The following SND1 variants were observed in gnomAD, a reference collection of about 807,000 sequenced individuals.
The protein encoded by SND1 is staphylococcal nuclease and tudor domain containing 1, also known as staphylococcal nuclease domain-containing protein 1.
SND1 carries 38 observed loss-of-function variants against 121.7 expected under a neutral mutation model. The observed-to-expected ratio is 0.31, with a 90% CI of 0.24 to 0.41. SND1 has a LOEUF of 0.41. Among genes scored for constraint, SND1 ranks in the 10% least tolerant of loss-of-function variants. The pLI, the probability that SND1 is intolerant of heterozygous loss-of-function variation, is 1.00. For missense variants in SND1, 868 were observed against 1,184.6 expected (o/e 0.73, Z 3.92); for synonymous variants, 401 against 447.4 (o/e 0.90, Z 1.31).
At chr7:127,786,744 C>T (rs1174056865) in intron 10 of SND1, among the ~76,000 whole-genome samples, 4 of 152,056 alleles carry the variant, frequency 2.6e-5, no homozygotes, top group South Asian at 2.1e-4. Flanking sequence ...CCCGGGTTCA[C>T]GCCATTCTCC....
intron 1 of SND1, among the ~76,000 whole-genome samples, chr7:127,665,714 G>C (rs904391982): frequency 1.4e-4 from 22 of 152,114 alleles, no homozygotes; most frequent in African/African-American, 5.1e-4. Context: ...TCCAGTCTCT[G>C]AAATAACTAA....
At position 127,723,730 on chromosome 7, in the gene SND1, C is replaced by T. The variant is rs757802330; in HGVS notation, c.1152+2330C>T. ...CAGGAGGAATGGCTCTCTAGGCCAG[C>T]GCTGTCCAACAGATATATAAATATG... On this transcript the variant is annotated intron_variant, in intron 10 of 23. Coordinates refer to ENST00000354725, the MANE Select transcript of SND1 (RefSeq NM_014390.4). 8.5e-5 allele frequency among the ~76,000 whole-genome samples: 13 copies of T among 152,206 alleles called. No homozygotes were observed. In the East Asian group the frequency reaches 9.6e-4, roughly 11 times the overall value.
intron 10 of SND1, among the ~76,000 whole-genome samples, chr7:127,762,484 A>AAG (rs1434759726): frequency 6.6e-6 from 1 of 152,158 alleles, no homozygotes; most frequent in Non-Finnish European, 1.5e-5. Context: ...GACCCACTGT[A>AAG]ATGGCCTCAT....
intron 10 of SND1, among the ~76,000 whole-genome samples, chr7:127,764,865 A>G (rs1016885185): frequency 2.6e-5 from 4 of 152,312 alleles, no homozygotes; most frequent in African/African-American, 9.6e-5. Flanking sequence ...CGATCGAGGT[A>G]AATTGCTCCC....
chr7:127,819,746 C>T lies in SND1; in HGVS notation c.1242+12173C>T, dbSNP rs150246584. Among the ~76,000 whole-genome samples the T allele has an allele frequency of 1.1e-3, 172 of 152,246 alleles. 2 individuals are homozygous for T. The East Asian group carries it at 0.019, about 17-fold the overall frequency. On this transcript the variant is annotated intron_variant, in intron 11 of 23. Coordinates refer to ENST00000354725, the MANE Select transcript of SND1 (RefSeq NM_014390.4). ...TAAACCCGTTTGAAGATTTGTTGCC[C>T]GGTTTTGCATTGATTGGACTACTTT... is the stretch of plus-strand genomic sequence containing the variant.
intron 1 of SND1, among the ~76,000 whole-genome samples, chr7:127,663,971 A>G (rs930845910): frequency 6.6e-6 from 1 of 152,086 alleles, no homozygotes; most frequent in African/African-American, 2.4e-5. Context: ...ATTGTGATGT[A>G]AAAAGAAATA....
intron 17 of SND1, among the ~76,000 whole-genome samples, chr7:128,079,417 C>T (rs1793560432): frequency 6.6e-6 from 1 of 152,266 alleles, no homozygotes; most frequent in Admixed American, 6.5e-5. Flanking sequence ...GGACTAGAAG[C>T]AGCAGTGTGT....
intron 1 of SND1, among the ~76,000 whole-genome samples, chr7:127,653,059 TAAG>T (rs1361249147): frequency 6.6e-6 from 1 of 152,158 alleles, no homozygotes; most frequent in East Asian, 1.9e-4. Flanking sequence ...CCCTTAAAGA[TAAG>T]GAGATAGGCT....
At chr7:127,936,147 A>G (rs1300006408) in intron 15 of SND1, among the ~76,000 whole-genome samples, 1 of 152,138 alleles carries the variant, frequency 6.6e-6, no homozygotes, top group East Asian at 1.9e-4. Context: ...TAGTCCTTTA[A>G]GCACCTGCCT....
At chr7:127,983,248 A>G (rs371424382) in intron 15 of SND1, among the ~76,000 whole-genome samples, 2 of 152,282 alleles carry the variant, frequency 1.3e-5, no homozygotes, top group East Asian at 3.9e-4. Context: ...GAGCCTGTGG[A>G]TTATAAATCG....
Position 127,665,768 on chromosome 7 carries a change from G to C in SND1, c.78+13317G>C, listed in dbSNP as rs182127900. On this transcript the variant is annotated intron_variant, in intron 1 of 23. Coordinates refer to ENST00000354725, the MANE Select transcript of SND1 (RefSeq NM_014390.4). Reference sequence around the variant, plus strand: ...CTTAGGAATTCTGTTCCAGGAGAGCGGGAATTACTGTTTTATAGCCTTTAA... The same window carrying C: ...CTTAGGAATTCTGTTCCAGGAGAGCCGGAATTACTGTTTTATAGCCTTTAA... Among the ~76,000 whole-genome samples, 17 of 152,132 alleles carry C rather than the reference G, an allele frequency of 1.1e-4. No homozygotes were observed. The East Asian group carries it at 3.3e-3, about 29-fold the overall frequency.
At chr7:128,066,226 C>G (rs1186896468) in intron 16 of SND1, among the ~76,000 whole-genome samples, 1 of 152,180 alleles carries the variant, frequency 6.6e-6, no homozygotes, top group African/African-American at 2.4e-5. Context: ...AAAGGCATTC[C>G]AGGCGGGAGA....
At chr7:127,678,462 A>G (rs542699540) in intron 1 of SND1, among the ~76,000 whole-genome samples, 68 of 152,298 alleles carry the variant, frequency 4.5e-4, no homozygotes, top group South Asian at 1.0e-3. Context: ...ATCCAGAGCC[A>G]GTGAGTCAGC....
At chr7:128,031,916 G>A (rs1353247310) in intron 16 of SND1, 1 of 150,956 alleles carries the variant, frequency 6.6e-6, no homozygotes, top group East Asian at 2.0e-4. Context: ...TGAGCAGCGG[G>A]GGTCGCGGCT....
At chr7:127,917,359 C>T (rs558785347) in intron 14 of SND1, among the ~76,000 whole-genome samples, 29 of 152,290 alleles carry the variant, frequency 1.9e-4, no homozygotes, top group African/African-American at 7.0e-4. Flanking sequence ...CTTGTTTTCA[C>T]GTATTTGTAT....
At chr7:127,996,932 G>C (rs1303793764) in intron 16 of SND1, among the ~76,000 whole-genome samples, 1 of 152,154 alleles carries the variant, frequency 6.6e-6, no homozygotes, top group African/African-American at 2.4e-5. Context: ...ATTTCAAGCA[G>C]TTTATTCTTA....
At chr7:127,737,166 G>A (rs1466799628) in intron 10 of SND1, among the ~76,000 whole-genome samples, 2 of 152,256 alleles carry the variant, frequency 1.3e-5, no homozygotes, top group African/African-American at 4.8e-5. Flanking sequence ...TGAGGAGGAT[G>A]ATGCTGCCAG....
chr7:127,675,362 G>A (rs1795597719), intron 1 of SND1, among the ~76,000 whole-genome samples: 1 of 152,106 alleles, frequency 6.6e-6, no homozygotes, highest in Non-Finnish European at 1.5e-5. Flanking sequence ...CTCAGTGGCT[G>A]TTCAGAATCA....
At position 128,052,082 on chromosome 7, in the gene SND1, G is replaced by T. The variant is rs1207546567; in HGVS notation, c.1780-22420G>T. On this transcript the variant is annotated intron_variant, in intron 16 of 23. Coordinates refer to ENST00000354725, the MANE Select transcript of SND1 (RefSeq NM_014390.4). The surrounding 1 kb of genome is among the most constrained non-coding windows in gnomAD (Gnocchi z 4.6). ...AAGTTGATAGACACCGATATCAGAG[G>T]TGTAAGGATGACATTTGCTTTGGGG... Among the ~76,000 whole-genome samples, 1 of 152,212 alleles carries T rather than the reference G, an allele frequency of 6.6e-6. No individual in the cohort carries two copies. Among genetic ancestry groups the T allele is most frequent in the Non-Finnish European group, 1.5e-5 (1 of 68,040 alleles).
Sources: allele counts gnomAD v4.1 joint callset (sites outside exome capture counted in the v4.1 genomes callset), GRCh38; gene constraint gnomAD v4.1.1; non-coding constraint Gnocchi (gnomAD v3.1); transcripts MANE v1.5; gene names NCBI Gene and HGNC (gene_info 2026-07-23, HGNC 2026-07-21).